Variants in RAD51B observed in about 807,000 individuals in gnomAD.
RAD51B encodes the protein DNA repair protein RAD51 homolog 2.
Under a neutral mutation model 42.2 loss-of-function variants are expected in RAD51B, and 38 were observed. The ratio of observed to expected loss-of-function variants is 0.90; its 90% CI spans 0.70 to 1.18. The LOEUF (loss-of-function observed/expected upper bound fraction) is 1.18, where lower values mean the gene tolerates loss of function less well. Ranked by LOEUF, RAD51B falls within the 50% of genes most tolerant of loss-of-function variation. RAD51B has a pLI of 0.00. For missense variants in RAD51B, 373 were observed against 400.7 expected, an observed-to-expected ratio of 0.93 and a Z score of 0.59; for synonymous variants, 154 against 145.2, an observed-to-expected ratio of 1.06 and a Z score of -0.43.
chr14:68,217,957 A>G (rs915484668), intron 7 of RAD51B, among the ~76,000 whole-genome samples: 1 of 152,238 alleles, frequency 6.6e-6, no homozygotes, highest in African/African-American at 2.4e-5. Flanking sequence ...AGTAGTTACC[A>G]GAAGTCAGAA....
chr14:68,241,794 T>C (rs1161540256), intron 7 of RAD51B, among the ~76,000 whole-genome samples: 1 of 152,172 alleles, frequency 6.6e-6, no homozygotes, highest in Non-Finnish European at 1.5e-5. Context: ...CCCTGCCCAG[T>C]CATGTCTCCC....
At chr14:68,305,570 CT>C (rs1178324129) in intron 8 of RAD51B, among the ~76,000 whole-genome samples, 1 of 152,200 alleles carries the variant, frequency 6.6e-6, no homozygotes, top group Non-Finnish European at 1.5e-5. Flanking sequence ...AGTACAGCAT[CT>C]AATGAATTGC....
chr14:68,477,721 G>T lies in RAD51B; in HGVS notation c.*57G>T. The T allele has an allele frequency of 6.3e-7, 1 of 1,598,546 alleles. No individual in the cohort carries two copies. On this transcript the variant is annotated 3_prime_UTR_variant, in exon 11 of 11. Coordinates refer to ENST00000471583, the MANE Select transcript of RAD51B (RefSeq NM_133510.4). ...GGGTGTGATTTGTGAAATAAAACAG[G>T]ACCGTACTGCTTGGAAGAAGGAAAC...
chr14:68,355,352 T>G (rs929375230), intron 8 of RAD51B, among the ~76,000 whole-genome samples: 3 of 152,246 alleles, frequency 2.0e-5, no homozygotes, highest in African/African-American at 7.2e-5. Flanking sequence ...GCAAAAAGAT[T>G]TGCCTAAAAC....
At chr14:67,849,615 G>T (rs1025784108) in intron 4 of RAD51B, among the ~76,000 whole-genome samples, 1 of 152,124 alleles carries the variant, frequency 6.6e-6, no homozygotes, top group Non-Finnish European at 1.5e-5. Context: ...TTGTCTATAT[G>T]TGTTAGTTTG....
intron 10 of RAD51B, among the ~76,000 whole-genome samples, chr14:68,537,498 C>CA (rs34728022): frequency 0.78 from 113,239 of 145,638 alleles, 43,799 homozygotes; most frequent in Middle Eastern, 0.87. Flanking sequence ...GATTTCGTCT[C>CA]AAAAAAAAAA....
chr14:68,455,475 TG>T (rs1185490780), intron 9 of RAD51B, among the ~76,000 whole-genome samples: 2 of 151,910 alleles, frequency 1.3e-5, no homozygotes, highest in African/African-American at 4.8e-5. Flanking sequence ...CCCAGCACTT[TG>T]GGAGGTCAAG....
chr14:67,917,467 G>A (rs975923487), intron 7 of RAD51B, among the ~76,000 whole-genome samples: 2 of 152,286 alleles, frequency 1.3e-5, no homozygotes, highest in African/African-American at 4.8e-5. Flanking sequence ...GAAGACAGCA[G>A]CGAGCCATGA....
At chr14:67,847,180 C>A (rs1235997581) in intron 4 of RAD51B, among the ~76,000 whole-genome samples, 1 of 152,152 alleles carries the variant, frequency 6.6e-6, no homozygotes, top group Non-Finnish European at 1.5e-5. Flanking sequence ...CTCCAAAGAT[C>A]TCAGAATGTG....
At chr14:68,179,166 T>C (rs2079013430) in intron 7 of RAD51B, among the ~76,000 whole-genome samples, 1 of 152,106 alleles carries the variant, frequency 6.6e-6, no homozygotes, top group South Asian at 2.1e-4. Flanking sequence ...AGCATTCCTT[T>C]TACAGTTAAA....
chr14:67,929,406 T>A (rs569640845), intron 7 of RAD51B, among the ~76,000 whole-genome samples: 93 of 152,312 alleles, frequency 6.1e-4, no homozygotes, highest in South Asian at 3.5e-3. Context: ...TTTTCAGAGT[T>A]CCTCTTGGCA....
At chr14:68,546,147 C>T (rs1009483182) in intron 10 of RAD51B, among the ~76,000 whole-genome samples, 1 of 152,204 alleles carries the variant, frequency 6.6e-6, no homozygotes, top group Non-Finnish European at 1.5e-5. Context: ...ATAATCAGAT[C>T]TGTGTTTAGA....
intron 7 of RAD51B, among the ~76,000 whole-genome samples, chr14:68,129,689 G>T (rs546625478): frequency 1.3e-5 from 2 of 152,244 alleles, no homozygotes; most frequent in South Asian, 4.2e-4. Flanking sequence ...AGATCAAATC[G>T]CAAGGTAAAG....
At chr14:67,996,462 C>T (rs2140302044) in intron 7 of RAD51B, among the ~76,000 whole-genome samples, 1 of 151,194 alleles carries the variant, frequency 6.6e-6, no homozygotes, top group Non-Finnish European at 1.5e-5. Context: ...AAAAGATGTT[C>T]CATAACGGTG....
chr14:68,276,461 C>T lies in RAD51B; in HGVS notation c.757-15423C>T, dbSNP rs112228369. Among the ~76,000 whole-genome samples, 83 of 152,124 alleles carry T rather than the reference C, an allele frequency of 5.5e-4. 1 individual carries two copies. Among genetic ancestry groups the T allele is most frequent in the Non-Finnish European group, 9.6e-4 (65 of 67,998 alleles). On this transcript the variant is annotated intron_variant, in intron 7 of 10. Transcript: ENST00000471583. ...ATCAGTCTTATCTTTGTTTTAACCA[C>T]GATTTGTATTTAATAAGTATTTTCA... is the stretch of plus-strand genomic sequence containing the variant.
At chr14:67,994,363 A>G (rs2075347177) in intron 7 of RAD51B, among the ~76,000 whole-genome samples, 2 of 152,168 alleles carry the variant, frequency 1.3e-5, no homozygotes, top group Non-Finnish European at 2.9e-5. Context: ...CAACAAAGAC[A>G]TTGCCTGCAG....
At chr14:68,527,467 C>G (rs1333367863) in intron 10 of RAD51B, among the ~76,000 whole-genome samples, 1 of 152,194 alleles carries the variant, frequency 6.6e-6, no homozygotes, top group Non-Finnish European at 1.5e-5. Context: ...ACTCCCACTT[C>G]CAGGAGTCAC....
At chr14:68,531,648 A>G (rs1036885036) in intron 10 of RAD51B, among the ~76,000 whole-genome samples, 1 of 152,268 alleles carries the variant, frequency 6.6e-6, no homozygotes, top group Non-Finnish European at 1.5e-5. Context: ...TTATTTTTAC[A>G]GAAATTTATT....
At chr14:68,242,272 C>T (rs576353516) in intron 7 of RAD51B, among the ~76,000 whole-genome samples, 6 of 152,300 alleles carry the variant, frequency 3.9e-5, no homozygotes, top group South Asian at 2.1e-4. Context: ...AGGTACGCTC[C>T]GTAGCTGTCC....
Sources: gnomAD v4.1 joint callset for allele counts (sites outside exome capture counted in the v4.1 genomes callset) on GRCh38, gnomAD v4.1.1 for gene constraint, MANE v1.5 for transcripts, NCBI Gene and HGNC (gene_info 2026-07-23, HGNC 2026-07-21) for gene names.